ABTB3: variants seen among roughly 807,000 people sequenced by gnomAD.
ABTB3 encodes the protein ankyrin repeat- and BTB/POZ domain-containing protein 3.
the ABTB3 span, chr12:107,319,103 C>T: frequency 0.18 from 287,282 of 1,607,664 alleles, 27,566 homozygotes; most frequent in Non-Finnish European, 0.19. Context: ...CTGGCCGCCT[C>T]TAGCTGACTC....
the ABTB3 span, among the ~76,000 whole-genome samples, chr12:107,598,073 C>A: frequency 6.6e-6 from 1 of 152,196 alleles, no homozygotes; most frequent in South Asian, 2.1e-4. Context: ...AGGACACTGG[C>A]AAGTCTGCTT....
the ABTB3 span, among the ~76,000 whole-genome samples, chr12:107,372,906 C>T: frequency 1.3e-5 from 2 of 152,148 alleles, no homozygotes; most frequent in African/African-American, 2.4e-5. Flanking sequence ...TTGCTGTCTC[C>T]CCAGTGCCGG....
the ABTB3 span, among the ~76,000 whole-genome samples, chr12:107,324,267 CT>C: frequency 6.6e-6 from 1 of 152,094 alleles, no homozygotes; most frequent in Admixed American, 6.5e-5. Flanking sequence ...CTGGATCCTC[CT>C]TTTTATTATA....
At chr12:107,588,449 C>T in the ABTB3 span, among the ~76,000 whole-genome samples, 657 of 152,234 alleles carry the variant, frequency 4.3e-3, 8 homozygotes, top group African/African-American at 0.015. Context: ...TAGCTAGGGA[C>T]GGTTTAAACA....
the ABTB3 span, among the ~76,000 whole-genome samples, chr12:107,345,639 C>A: frequency 6.6e-6 from 1 of 152,128 alleles, no homozygotes; most frequent in Non-Finnish European, 1.5e-5. Flanking sequence ...TGCTCCCAGA[C>A]CACACTAGAG....
the ABTB3 span, among the ~76,000 whole-genome samples, chr12:107,542,108 G>A: frequency 5.9e-5 from 9 of 151,896 alleles, no homozygotes; most frequent in East Asian, 1.9e-4. Context: ...TCTGGAGTTC[G>A]AGGCCAGCCT....
At chr12:107,609,272 C>G in the ABTB3 span, among the ~76,000 whole-genome samples, 1 of 152,346 alleles carries the variant, frequency 6.6e-6, no homozygotes, top group East Asian at 1.9e-4. Flanking sequence ...GAGCTTAGCA[C>G]AAACAGGTAT....
chr12:107,453,525 C>T, the ABTB3 span, among the ~76,000 whole-genome samples: 3 of 152,198 alleles, frequency 2.0e-5, no homozygotes, highest in African/African-American at 4.8e-5. Flanking sequence ...TGCCAGACAA[C>T]AAATCTGCTG....
chr12:107,560,197 T>C, the ABTB3 span, among the ~76,000 whole-genome samples: 1 of 152,226 alleles, frequency 6.6e-6, no homozygotes, highest in Non-Finnish European at 1.5e-5. Context: ...CCAGGGTTCG[T>C]GGCCATTTGA....
chr12:107,462,837 G>T, the ABTB3 span, among the ~76,000 whole-genome samples: 1 of 151,768 alleles, frequency 6.6e-6, no homozygotes, highest in African/African-American at 2.4e-5. Flanking sequence ...GATGGTGGTG[G>T]TGATGATAAT....
chr12:107,628,824 C>T, the ABTB3 span, among the ~76,000 whole-genome samples: 1 of 152,264 alleles, frequency 6.6e-6, no homozygotes, highest in African/African-American at 2.4e-5. Flanking sequence ...GAAAAGAACA[C>T]CAAGGCCCAG....
chr12:107,633,454 G>A, the ABTB3 span, among the ~76,000 whole-genome samples: 1 of 152,300 alleles, frequency 6.6e-6, no homozygotes, highest in African/African-American at 2.4e-5. Flanking sequence ...AGTCGCTTTT[G>A]CCATGTAAAG....
chr12:107,372,753 C>T, the ABTB3 span, among the ~76,000 whole-genome samples: 1 of 152,198 alleles, frequency 6.6e-6, no homozygotes, highest in Admixed American at 6.5e-5. Flanking sequence ...ATGACCCCAT[C>T]ATTCTCTTTC....
the ABTB3 span, among the ~76,000 whole-genome samples, chr12:107,408,087 G>A: frequency 3.9e-5 from 6 of 152,138 alleles, no homozygotes; most frequent in South Asian, 8.3e-4. Context: ...GTCTCTTGCC[G>A]TGTATTGTAT....
the ABTB3 span, among the ~76,000 whole-genome samples, chr12:107,333,729 C>A: frequency 6.6e-6 from 1 of 152,106 alleles, no homozygotes. Context: ...ATCCATCAGT[C>A]CATAGAAAAA....
chr12:107,630,693 C>A, the ABTB3 span, among the ~76,000 whole-genome samples: 1 of 152,010 alleles, frequency 6.6e-6, no homozygotes, highest in African/African-American at 2.4e-5. Context: ...CCTTGGCCTC[C>A]CAAGCAGCTG....
the ABTB3 span, among the ~76,000 whole-genome samples, chr12:107,452,299 C>T: frequency 4.3e-4 from 65 of 151,010 alleles, no homozygotes; most frequent in African/African-American, 1.5e-3. Flanking sequence ...GCTCTGCCTC[C>T]TGGGTTCACG....
the ABTB3 span, among the ~76,000 whole-genome samples, chr12:107,377,967 T>C: frequency 3.2e-4 from 49 of 152,262 alleles, no homozygotes; most frequent in African/African-American, 1.1e-3. Flanking sequence ...GGGAAGAAGA[T>C]AAGTGAATCA....
chr12:107,319,812 C>A, the ABTB3 span: 2 of 1,333,782 alleles, frequency 1.5e-6, no homozygotes, highest in Non-Finnish European at 1.9e-6. Context: ...CGGGAGGCGC[C>A]CGGGGGAGGA....
Sources: allele counts gnomAD v4.1 joint callset (sites outside exome capture counted in the v4.1 genomes callset), GRCh38; gene constraint gnomAD v4.1.1; transcripts MANE v1.5; gene names NCBI Gene and HGNC (gene_info 2026-07-23, HGNC 2026-07-21).